C7: variants seen among roughly 807,000 people sequenced by gnomAD.
The protein encoded by C7 is complement component C7.
C7 carries 83 observed loss-of-function variants against 104.8 expected under a neutral mutation model. The observed-to-expected ratio is 0.79, with a 90% CI of 0.66 to 0.95. C7 has a LOEUF of 0.95. Among genes scored for constraint, C7 ranks in the 40% least tolerant of loss-of-function variants. The pLI is 0.00. For missense variants in C7, 1,070 were observed against 1,011.2 expected (o/e 1.06, Z -0.79); for synonymous variants, 415 against 360.6 (o/e 1.15, Z -1.71).
intron 15 of C7, among the ~76,000 whole-genome samples, chr5:40,975,334 T>A (rs1740792938): frequency 6.6e-6 from 1 of 151,964 alleles, no homozygotes; most frequent in Non-Finnish European, 1.5e-5. Context: ...CTACGTTGCA[T>A]TTAGGATAAT....
Position 40,983,843 on chromosome 5 carries a change from C to T in C7, c.*2270C>T, listed in dbSNP as rs538450548. On this transcript the variant is annotated 3_prime_UTR_variant, in exon 18 of 18. Transcript: ENST00000313164. ...TTCCATCTTCCTGCCCTTTCCTGTG[C>T]CTCAGATCAGGTGAGGGTCATCTGG... Among the ~76,000 whole-genome samples, 21 of 152,248 alleles carry T rather than the reference C, an allele frequency of 1.4e-4. No individual in the cohort carries two copies. The highest frequency in any genetic ancestry group is 5.1e-4 in the African/African-American group (21 of 41,532).
rs138558983 is a variant in C7 at position 40,918,949 on chromosome 5, G to GACACACACACACAC, written c.6+9363_6+9376dup. ...CGCTTTAGACCTAATGAATCTAACA[G>GACACACACACACAC]ACACACACACACACACACACACACA... On this transcript the variant is annotated intron_variant, in intron 1 of 17. Coordinates refer to ENST00000313164, the MANE Select transcript of C7 (RefSeq NM_000587.4). Among the ~76,000 whole-genome samples the GACACACACACACAC allele has an allele frequency of 4.9e-3, 674 of 138,372 alleles. 8 individuals carry two copies. Among genetic ancestry groups the GACACACACACACAC allele is most frequent in the African/African-American group, 0.012 (430 of 35,694 alleles). 90.8% of individuals were successfully genotyped at this position (138,372 alleles called of 152,430 possible).
chr5:40,973,526 G>T (rs111551424), intron 15 of C7, among the ~76,000 whole-genome samples: 1 of 152,168 alleles, frequency 6.6e-6, no homozygotes, highest in African/African-American at 2.4e-5. Flanking sequence ...AGATACTGAT[G>T]GTAGATATGG....
At chr5:40,948,669 C>A (rs1005099509) in intron 8 of C7, among the ~76,000 whole-genome samples, 1 of 152,134 alleles carries the variant, frequency 6.6e-6, no homozygotes, top group African/African-American at 2.4e-5. Context: ...GCTTAACAAC[C>A]ACTCCTCCTC....
At chr5:40,975,227 T>C (rs886879165) in intron 15 of C7, among the ~76,000 whole-genome samples, 2 of 152,190 alleles carry the variant, frequency 1.3e-5, no homozygotes, top group South Asian at 2.1e-4. Context: ...AAAATTAATA[T>C]TAGTACAATG....
rs573909175 is a variant in C7 at position 40,909,648 on chromosome 5, G to T, written c.6+32G>T. ...CAATAAATTCATTACTTTTGTAAAT[G>T]AAGCTATCTTTTCAAATGAACGGGG... is the stretch of plus-strand genomic sequence containing the variant. On this transcript the variant is annotated intron_variant, in intron 1 of 17. Coordinates refer to ENST00000313164, the MANE Select transcript of C7 (RefSeq NM_000587.4). 1.6e-4 allele frequency: 234 copies of T among 1,483,900 alleles called. 1 individual carries two copies. The African/African-American group carries it at 3.0e-3, about 19-fold the overall frequency. The allele number at this position is 1,483,900 out of a possible 1,614,324, so 91.9% of individuals were successfully genotyped here. A position where few individuals can be genotyped will look rare whatever the true frequency, so the allele number is the denominator to read the frequency against.
intron 3 of C7, among the ~76,000 whole-genome samples, 152 bp downstream of exon 3, chr5:40,931,291 T>A (rs577536947): frequency 9.9e-5 from 15 of 152,250 alleles, no homozygotes; most frequent in Non-Finnish European, 1.8e-4. Context: ...GTATGACTTG[T>A]TTAATAATTA....
chr5:40,934,187 C>G, intron 3 of C7, 138 bp from the exon 4 acceptor site: 2 of 843,350 alleles, frequency 2.4e-6, no homozygotes, highest in Non-Finnish European at 1.7e-6. Flanking sequence ...TTCTGTAGAA[C>G]ACCAGAACAA....
intron 1 of C7, among the ~76,000 whole-genome samples, chr5:40,920,162 C>T (rs560868842): frequency 6.6e-6 from 1 of 152,042 alleles, no homozygotes; most frequent in Non-Finnish European, 1.5e-5. Context: ...AACAATTATA[C>T]ATCAACAAAT....
At position 40,979,916 on chromosome 5, in the gene C7, G is replaced by A. The variant is rs1740906612; in HGVS notation, c.2350+7G>A. 1.3e-6 allele frequency: 2 copies of A among 1,565,190 alleles called. No homozygotes were observed. The highest frequency in any genetic ancestry group is 1.7e-6 in the Non-Finnish European group (2 of 1,153,588). On this transcript the variant is annotated splice_region_variant and intron_variant, in intron 17 of 17. Transcript: ENST00000313164. Reference sequence around the variant, plus strand: ...CTGTGGGGAAAATGTGATGGTAAGGGGCCTTTCATATTTGTAAGTATAAGA... The same window carrying A: ...CTGTGGGGAAAATGTGATGGTAAGGAGCCTTTCATATTTGTAAGTATAAGA...
At chr5:40,941,861 TG>T (rs1739946754) in intron 6 of C7, among the ~76,000 whole-genome samples, 1 of 152,182 alleles carries the variant, frequency 6.6e-6, no homozygotes, top group South Asian at 2.1e-4. Flanking sequence ...AATAGACATT[TG>T]GTGATTATTG....
chr5:40,981,405 A>G lies in C7; in HGVS notation c.2364A>G (p.Lys788=), dbSNP rs759472753. 1.7e-5 allele frequency: 28 copies of G among 1,611,940 alleles called. No individual in the cohort carries two copies. The Admixed American group carries it at 4.7e-4, about 27-fold the overall frequency. ...TTACTTTTCCAGCTGAGAGCAGCAA[A>G]TGTGTCTGCCGAGAAGCATCGGAGT... is the stretch of plus-strand genomic sequence containing the variant. ...LWGKCDAESS[K]CVCREASECE... Residue 788 remains lysine (K), a synonymous_variant, in exon 18 of 18, where the codon AAA becomes AAG. Transcript: ENST00000313164.
intron 8 of C7, among the ~76,000 whole-genome samples, chr5:40,948,450 T>C (rs1561248422): frequency 6.6e-6 from 1 of 152,128 alleles, no homozygotes; most frequent in East Asian, 1.9e-4. Context: ...ATGAGACTTA[T>C]CCAAGGTCAT....
At chr5:40,950,331 G>C (rs1352804741) in intron 9 of C7, among the ~76,000 whole-genome samples, 1 of 152,036 alleles carries the variant, frequency 6.6e-6, no homozygotes, top group African/African-American at 2.4e-5. Flanking sequence ...GCTTTAGTTT[G>C]CTAAGAATAA....
chr5:40,950,015 G>A lies in C7; in HGVS notation c.1093+1G>A. On this transcript the variant is annotated splice_donor_variant, in intron 9 of 17. Transcript: ENST00000313164. LOFTEE classifies it high-confidence loss of function. Reference sequence around the variant, plus strand: ...GAAAACGCTTTAAAAGCTGCTTCAGGTAAATGGAAAAAGAGCAGTTTGCAT... The same window carrying A: ...GAAAACGCTTTAAAAGCTGCTTCAGATAAATGGAAAAAGAGCAGTTTGCAT... 1 of 1,560,446 alleles carries A rather than the reference G, an allele frequency of 6.4e-7. No individual in the cohort carries two copies. Among genetic ancestry groups the A allele is most frequent in the Non-Finnish European group, 8.7e-7 (1 of 1,147,626 alleles).
chr5:40,965,649 T>TATATATATA (rs1554043911), intron 14 of C7, among the ~76,000 whole-genome samples: 33 of 26,632 alleles, frequency 1.2e-3, no homozygotes, highest in African/African-American at 7.6e-3. Context: ...TATATATATA[T>TATATATATA]TTTTTTTTTG....
At position 40,945,247 on chromosome 5, in the gene C7, C is replaced by G; in HGVS notation, c.617C>G (p.Ser206Cys). 2.6e-6 allele frequency: 4 copies of G among 1,562,988 alleles called. No individual in the cohort carries two copies. Among genetic ancestry groups the G allele is most frequent in the Non-Finnish European group, 2.6e-6 (3 of 1,150,328 alleles). Residue 206 changes from serine to cysteine, a missense_variant, in exon 7 of 18, where the codon TCT becomes TGT. Ser to Cys is a moderately radical substitution (Grantham distance 112, BLOSUM62 -1). Coordinates refer to ENST00000313164, the MANE Select transcript of C7 (RefSeq NM_000587.4). ...TATGAATTTTACAATAGTACTTGGT[C>G]TTATGTAAAACATACGTCGACAGAA... ...FNYEFYNSTW[S>C]YVKHTSTEHT...
chr5:40,954,276 C>T (rs991299810), intron 9 of C7, among the ~76,000 whole-genome samples: 1 of 151,792 alleles, frequency 6.6e-6, no homozygotes, highest in African/African-American at 2.4e-5. Flanking sequence ...TAATAAATAC[C>T]CATATACCCA....
At chr5:40,950,107 C>G (rs1299290743) in intron 9 of C7, 93 bp downstream of exon 9, 2 of 698,404 alleles carry the variant, frequency 2.9e-6, no homozygotes, top group East Asian at 5.5e-5. Flanking sequence ...TGTAGGTAAA[C>G]TTGTGTCATG....
Sources: gnomAD v4.1 joint callset for allele counts (sites outside exome capture counted in the v4.1 genomes callset) on GRCh38, gnomAD v4.1.1 for gene constraint, MANE v1.5 for transcripts, NCBI Gene and HGNC (gene_info 2026-07-23, HGNC 2026-07-21) for gene names.